Variants in PIK3CB observed in about 807,000 individuals in gnomAD.
The protein encoded by PIK3CB is phosphatidylinositol 4,5-bisphosphate 3-kinase catalytic subunit beta isoform.
In PIK3CB, 39 loss-of-function variants were observed where a neutral mutation model predicts 136.8. The observed-to-expected ratio is 0.29, with a 90% CI of 0.22 to 0.37. The LOEUF (loss-of-function observed/expected upper bound fraction) is 0.37. PIK3CB is among the 10% of genes least tolerant of loss of function. The pLI, the probability that PIK3CB is intolerant of heterozygous loss-of-function variation, is 1.00. For missense variants in PIK3CB, 868 were observed against 1,275.4 expected (o/e 0.68, Z 4.87); for synonymous variants, 428 against 436.6 (o/e 0.98, Z 0.25).
At chr3:138,799,646 C>A (rs2046150003) in intron 1 of PIK3CB, among the ~76,000 whole-genome samples, 1 of 151,976 alleles carries the variant, frequency 6.6e-6, no homozygotes, top group Non-Finnish European at 1.5e-5. Flanking sequence ...TATCTGTCTA[C>A]AACTAACCTC....
At position 138,688,907 on chromosome 3, in the gene PIK3CB, T is replaced by C; in HGVS notation, c.2104A>G (p.Ser702Gly). Residue 702 changes from serine (S) to glycine (G), a missense_variant, in exon 16 of 24, where the codon AGT (serine) becomes GGT (glycine). This residue lies in a region of PIK3CB where 165 missense variants were observed against 295.4 expected (regional missense o/e 0.56). Transcript: ENST00000674063. ...GAAAGCACTTTCATGTGCCCCACAC[T>C]TCCCCGGCAGTATGCTTCAAGGATG... The part of the protein sequence containing the change: ...GVILEAYCRG[S>G]VGHMKVLSKQ... 1 of 1,613,602 alleles carries C rather than the reference T, an allele frequency of 6.2e-7. No homozygotes were observed. The highest frequency in any genetic ancestry group is 2.2e-5 in the East Asian group (1 of 44,866).
chr3:138,806,571 T>C (rs80193867), intron 1 of PIK3CB, among the ~76,000 whole-genome samples: 2,006 of 152,228 alleles, frequency 0.013, 46 homozygotes, highest in Middle Eastern at 0.048. Flanking sequence ...AGTGACATAG[T>C]TGTATGGACA....
chr3:138,752,345 A>G (rs983669496), intron 4 of PIK3CB, among the ~76,000 whole-genome samples: 8 of 152,174 alleles, frequency 5.3e-5, no homozygotes, highest in Non-Finnish European at 2.9e-5. Context: ...CTTGTTCCTA[A>G]AGTTAAACTG....
intron 16 of PIK3CB, among the ~76,000 whole-genome samples, chr3:138,687,487 C>A (rs2108496771): frequency 6.6e-6 from 1 of 152,210 alleles, no homozygotes; most frequent in Non-Finnish European, 1.5e-5. Context: ...TTTTTTGAGA[C>A]AGGGTCTTGC....
rs183771796 is a variant in PIK3CB at position 138,720,497 on chromosome 3, C to G, written c.1051-5778G>C. On this transcript the variant is annotated intron_variant, in intron 8 of 23. Coordinates refer to ENST00000674063, the MANE Select transcript of PIK3CB (RefSeq NM_006219.3). The stretch of plus-strand genomic sequence containing the variant: ...CTGGAAGTCTGTATCTTGGATAAAC[C>G]TAATCACCTGCCTCCTCTCCATCCC... 5.7e-3 allele frequency among the ~76,000 whole-genome samples: 874 copies of G among 152,312 alleles called. 7 individuals are homozygous for G. Among genetic ancestry groups the G allele is most frequent in the African/African-American group, 0.02 (813 of 41,566 alleles).
At chr3:138,731,062 CT>C (rs1011651456) in intron 8 of PIK3CB, among the ~76,000 whole-genome samples, 4 of 152,094 alleles carry the variant, frequency 2.6e-5, no homozygotes, top group Non-Finnish European at 4.4e-5. Flanking sequence ...AGTATCATCC[CT>C]TTATTAACAA....
intron 14 of PIK3CB, among the ~76,000 whole-genome samples, chr3:138,693,962 TATATTATA>T (rs1167434019): frequency 4.8e-4 from 17 of 35,270 alleles, no homozygotes; most frequent in African/African-American, 1.2e-3. Flanking sequence ...TATATATATA[TATATTATA>T]TATATATATA....
chr3:138,664,178 G>C (rs891133224), intron 20 of PIK3CB, 149 bp from the exon 21 acceptor site: 16 of 860,478 alleles, frequency 1.9e-5, no homozygotes, highest in Admixed American at 3.0e-5. Flanking sequence ...GATCAGCCAA[G>C]GGGAGTGTGG....
At chr3:138,732,078 T>C (rs1359846733) in intron 8 of PIK3CB, among the ~76,000 whole-genome samples, 1 of 152,120 alleles carries the variant, frequency 6.6e-6, no homozygotes, top group Non-Finnish European at 1.5e-5. Context: ...ATTGCATATA[T>C]TTAAGGTGTA....
At chr3:138,719,298 T>G (rs1028430547) in intron 8 of PIK3CB, among the ~76,000 whole-genome samples, 5 of 132,864 alleles carry the variant, frequency 3.8e-5, no homozygotes, top group Admixed American at 1.8e-4. Context: ...CAGGCTGCAG[T>G]GCAGTGGCAT....
intron 8 of PIK3CB, among the ~76,000 whole-genome samples, chr3:138,716,157 C>T (rs1294168248): frequency 5.9e-5 from 9 of 152,056 alleles, no homozygotes; most frequent in Admixed American, 5.9e-4. Context: ...ACAAAGGATA[C>T]TAAAAGTAGT....
At chr3:138,676,439 C>T (rs983569890) in intron 19 of PIK3CB, among the ~76,000 whole-genome samples, 5 of 152,208 alleles carry the variant, frequency 3.3e-5, no homozygotes, top group Non-Finnish European at 7.4e-5. Flanking sequence ...ATAAAGTTAA[C>T]ATCAGTTCCA....
rs754462951 is a variant in PIK3CB at position 138,704,463 on chromosome 3, T to G, written c.1561A>C (p.Ser521Arg). The G allele has an allele frequency of 2.5e-6, 4 of 1,608,508 alleles. No homozygotes were observed. The highest frequency in any genetic ancestry group is 1.7e-5 in the Admixed American group (1 of 59,994). ...IIEKAAEIAS[S>R]DSANVSSRGG... ...CTTACTGACACATTAGCACTATCAC[T>G]GCTTGCAATCTCAGCTGCCTTTTCA... Residue 521 changes from serine (S) to arginine (R), a missense_variant, in exon 12 of 24, where the codon AGT becomes CGT. Coordinates refer to ENST00000674063, the MANE Select transcript of PIK3CB (RefSeq NM_006219.3).
intron 2 of PIK3CB, among the ~76,000 whole-genome samples, chr3:138,781,701 C>T (rs568076801): frequency 4.6e-5 from 7 of 152,146 alleles, no homozygotes; most frequent in South Asian, 2.1e-4. Flanking sequence ...GTGATCTGCC[C>T]GCCTCGGCCT....
chr3:138,789,133 A>C (rs964688087), intron 2 of PIK3CB, among the ~76,000 whole-genome samples: 2 of 152,138 alleles, frequency 1.3e-5, no homozygotes, highest in Non-Finnish European at 2.9e-5. Flanking sequence ...GTTCCTCAAA[A>C]AATTAAAGCA....
At chr3:138,694,644 T>C (rs910426062) in intron 14 of PIK3CB, 142 bp downstream of exon 14, 4 of 797,750 alleles carry the variant, frequency 5.0e-6, no homozygotes, top group Non-Finnish European at 5.6e-6. Flanking sequence ...GTTGGGGAGC[T>C]GGCAGGAGTA....
intron 1 of PIK3CB, among the ~76,000 whole-genome samples, chr3:138,820,586 G>A (rs182154666): frequency 2.3e-4 from 35 of 152,156 alleles, no homozygotes; most frequent in African/African-American, 7.0e-4. Context: ...CACTGCCTCC[G>A]GGGCTTAAGC....
intron 1 of PIK3CB, among the ~76,000 whole-genome samples, chr3:138,827,723 T>C (rs996603929): frequency 6.6e-6 from 1 of 150,620 alleles, no homozygotes; most frequent in African/African-American, 2.4e-5. Context: ...CTCACACCTG[T>C]AATCCCAGGA....
intron 1 of PIK3CB, among the ~76,000 whole-genome samples, chr3:138,811,449 AGT>A (rs1491394452): frequency 6.9e-6 from 1 of 144,916 alleles, no homozygotes; most frequent in Non-Finnish European, 1.5e-5. Context: ...TTTTTTTGGC[AGT>A]GTCTCACTTT....
Sources: allele counts gnomAD v4.1 joint callset (sites outside exome capture counted in the v4.1 genomes callset), GRCh38; gene constraint gnomAD v4.1.1; regional missense constraint gnomAD v4.1.1; transcripts MANE v1.5; gene names NCBI Gene and HGNC (gene_info 2026-07-23, HGNC 2026-07-21).